The following ALK variants were observed in gnomAD, a reference collection of about 807,000 sequenced individuals.
The protein encoded by ALK is ALK receptor tyrosine kinase.
In ALK, 74 loss-of-function variants were observed where a neutral mutation model predicts 163.1. The observed-to-expected ratio is 0.45, with a 90% confidence interval of 0.38 to 0.55. The LOEUF (loss-of-function observed/expected upper bound fraction) is 0.55, where lower values mean the gene tolerates loss of function less well. Among genes scored for constraint, ALK ranks in the 20% least tolerant of loss-of-function variants. The probability of loss-of-function intolerance (pLI) is 0.00; values close to 1 mark genes in which losing one functional copy is unlikely to be tolerated. For synonymous variants in ALK, 960 were observed against 843.2 expected, an observed-to-expected ratio of 1.14 and a Z score of -2.40; for missense variants, 2,063 against 2,105.3, an observed-to-expected ratio of 0.98 and a Z score of 0.39.
intron 4 of ALK, among the ~76,000 whole-genome samples, chr2:29,441,673 A>C (rs750026958): frequency 1.4e-3 from 219 of 152,228 alleles, no homozygotes; most frequent in Non-Finnish European, 2.7e-3. Context: ...ACAACCATAA[A>C]AGGGCCAATT....
At chr2:29,582,527 C>T (rs566289163) in intron 3 of ALK, among the ~76,000 whole-genome samples, 120 of 152,334 alleles carry the variant, frequency 7.9e-4, no homozygotes, top group Admixed American at 2.1e-3. Context: ...ACTTGTCTTA[C>T]GCCTGCTAGG....
chr2:29,812,357 A>G (rs1373539163), intron 1 of ALK, among the ~76,000 whole-genome samples: 1 of 152,054 alleles, frequency 6.6e-6, no homozygotes, highest in African/African-American at 2.4e-5. Flanking sequence ...TACCCCCGCC[A>G]TCATCAATTT....
Position 29,484,671 on chromosome 2 carries a change from TTTG to T in ALK, c.1154+47241_1154+47243del, listed in dbSNP as rs1011034246. Among the ~76,000 whole-genome samples, 7 of 152,326 alleles carry T rather than the reference TTTG, an allele frequency of 4.6e-5. No individual in the cohort carries two copies. The East Asian group carries it at 1.3e-3, about 29-fold the overall frequency. On this transcript the variant is annotated intron_variant, in intron 4 of 28. Coordinates refer to ENST00000389048, the MANE Select transcript of ALK (RefSeq NM_004304.5). Reference sequence around the variant, plus strand: ...TTGTTTTATATACCCTCCCTTTAAATTTGTTTTCTTCCTTCAAGAAATACATCC... The same window carrying T: ...TTGTTTTATATACCCTCCCTTTAAATTTTTCTTCCTTCAAGAAATACATCC...
At chr2:29,257,961 C>A (rs908076357) in intron 11 of ALK, among the ~76,000 whole-genome samples, 1 of 152,194 alleles carries the variant, frequency 6.6e-6, no homozygotes, top group African/African-American at 2.4e-5. Flanking sequence ...ACCTCAGACT[C>A]CAGAGTAGCT....
intron 1 of ALK, among the ~76,000 whole-genome samples, chr2:29,732,836 A>G (rs1372838797): frequency 1.3e-5 from 2 of 151,880 alleles, no homozygotes. Context: ...TTGATCTTGC[A>G]CTTCCCAATC....
intron 3 of ALK, among the ~76,000 whole-genome samples, chr2:29,542,276 G>C (rs1673432482): frequency 6.6e-6 from 1 of 151,562 alleles, no homozygotes; most frequent in African/African-American, 2.4e-5. Flanking sequence ...TTTTATATCT[G>C]TCTTCTTTAC....
intron 1 of ALK, among the ~76,000 whole-genome samples, chr2:29,835,763 G>A (rs2148391199): frequency 6.6e-6 from 1 of 152,222 alleles, no homozygotes; most frequent in Admixed American, 6.5e-5. Flanking sequence ...AAGATCTGAT[G>A]GTTTTATAGG....
At chr2:29,748,860 C>T (rs1415686246) in intron 1 of ALK, among the ~76,000 whole-genome samples, 1 of 152,164 alleles carries the variant, frequency 6.6e-6, no homozygotes, top group Admixed American at 6.5e-5. Flanking sequence ...ATTCTCGTGC[C>T]TCAGCCTCCC....
intron 4 of ALK, among the ~76,000 whole-genome samples, chr2:29,434,167 C>T (rs1015171535): frequency 6.6e-6 from 1 of 152,168 alleles, no homozygotes; most frequent in African/African-American, 2.4e-5. Flanking sequence ...AAAGGGAATG[C>T]ATAAAATTTT....
At chr2:29,570,859 A>T (rs1351960156) in intron 3 of ALK, among the ~76,000 whole-genome samples, 1 of 152,202 alleles carries the variant, frequency 6.6e-6, no homozygotes, top group Non-Finnish European at 1.5e-5. Context: ...GTTTCTGAGA[A>T]AGGAATTAGA....
At chr2:29,367,932 C>A (rs2148291015) in intron 5 of ALK, among the ~76,000 whole-genome samples, 1 of 152,306 alleles carries the variant, frequency 6.6e-6, no homozygotes, top group South Asian at 2.1e-4. Context: ...AGCTACTGAT[C>A]TCAATTTCCT....
intron 2 of ALK, among the ~76,000 whole-genome samples, chr2:29,704,015 A>G (rs938522349): frequency 6.6e-6 from 1 of 152,164 alleles, no homozygotes; most frequent in African/African-American, 2.4e-5. Context: ...CTCAGGCTTC[A>G]CTTACTGGCC....
At position 29,728,740 on chromosome 2, in the gene ALK, C is replaced by T. The variant is rs528526020; in HGVS notation, c.668-11043G>A. ...CTATTCCAACTCAAGTCTCTCAGAA[C>T]GGAGCGCCAGCTCCTTATTTGCCAC... On this transcript the variant is annotated intron_variant, in intron 1 of 28. Coordinates refer to ENST00000389048, the MANE Select transcript of ALK (RefSeq NM_004304.5). Among the ~76,000 whole-genome samples the T allele has an allele frequency of 7.2e-5, 11 of 152,244 alleles. No homozygotes were observed. The South Asian group carries it at 1.2e-3, about 17-fold the overall frequency.
intron 4 of ALK, among the ~76,000 whole-genome samples, chr2:29,471,888 G>C (rs1051755144): frequency 6.6e-6 from 1 of 152,076 alleles, no homozygotes; most frequent in Non-Finnish European, 1.5e-5. Context: ...ATTACAGGTG[G>C]TCCCCACCAC....
intron 1 of ALK, among the ~76,000 whole-genome samples, chr2:29,836,309 G>A (rs543494073): frequency 6.6e-6 from 1 of 152,240 alleles, no homozygotes; most frequent in African/African-American, 2.4e-5. Flanking sequence ...TGCAGTGGTT[G>A]GACATAATAG....
intron 1 of ALK, among the ~76,000 whole-genome samples, chr2:29,742,140 C>T (rs1040379452): frequency 1.3e-5 from 2 of 152,242 alleles, no homozygotes; most frequent in East Asian, 3.8e-4. Flanking sequence ...TGTGTGACTG[C>T]GAGTGAACAG....
Position 29,670,648 on chromosome 2 carries a change from G to A in ALK, c.952+24202C>T, listed in dbSNP as rs372357552. The stretch of plus-strand genomic sequence containing the variant: ...TGAACACCAATAATTCTTAGATTTG[G>A]TCTTTGGAGATAATTTTCTATATCT... On this transcript the variant is annotated intron_variant, in intron 3 of 28. Coordinates refer to ENST00000389048, the MANE Select transcript of ALK (RefSeq NM_004304.5). Among the ~76,000 whole-genome samples, 268 of 151,966 alleles carry A rather than the reference G, an allele frequency of 1.8e-3. 1 individual carries two copies. Among genetic ancestry groups the A allele is most frequent in the African/African-American group, 6.3e-3 (261 of 41,444 alleles).
At chr2:29,886,631 C>A (rs1666991141) in intron 1 of ALK, among the ~76,000 whole-genome samples, 1 of 152,204 alleles carries the variant, frequency 6.6e-6, no homozygotes, top group Non-Finnish European at 1.5e-5. Context: ...GCATCTCAGT[C>A]TCATGCCATC....
At chr2:29,514,674 A>AT (rs1672615430) in intron 4 of ALK, among the ~76,000 whole-genome samples, 1 of 152,096 alleles carries the variant, frequency 6.6e-6, no homozygotes, top group Non-Finnish European at 1.5e-5. Context: ...TGCCTCCGTC[A>AT]TTTTTGCCTG....
Sources: gnomAD v4.1 joint callset for allele counts (sites outside exome capture counted in the v4.1 genomes callset) on GRCh38, gnomAD v4.1.1 for gene constraint, MANE v1.5 for transcripts, NCBI Gene and HGNC (gene_info 2026-07-23, HGNC 2026-07-21) for gene names.